Variants in TCFL5 observed in about 807,000 individuals in gnomAD.
TCFL5 encodes transcription factor like 5, also known as transcription factor-like 5 protein.
A neutral mutation model predicts 44.3 loss-of-function variants in TCFL5; 9 were observed. The ratio of observed to expected loss-of-function variants is 0.20; its 90% CI spans 0.12 to 0.35. The LOEUF (loss-of-function observed/expected upper bound fraction) is 0.35. Ranked by LOEUF, TCFL5 falls within the 10% of genes least tolerant of loss-of-function variation. The pLI is 1.00. For missense variants in TCFL5, 603 were observed against 613.4 expected (o/e 0.98, Z 0.18); for synonymous variants, 319 against 271.6 (o/e 1.17, Z -1.72).
chr20:62,842,937 G>A lies in TCFL5; in HGVS notation c.1381-840C>T, dbSNP rs1040995002. ...GTCCTTGGGGAGACCCTGCCAGCAG[G>A]GTGGGGGTGGGCTGAGCTTGCTCCT... On this transcript the variant is annotated intron_variant, in intron 5 of 5. Coordinates refer to ENST00000335351, the MANE Select transcript of TCFL5 (RefSeq NM_006602.4). This position sits in a 1 kb window ranked among gnomAD's most constrained non-coding sequence, Gnocchi z 4.3. 1.3e-5 allele frequency among the ~76,000 whole-genome samples: 2 copies of A among 152,112 alleles called. No homozygotes were observed. Among genetic ancestry groups the A allele is most frequent in the Non-Finnish European group, 2.9e-5 (2 of 68,032 alleles).
In TCFL5 at chr20:62,859,611, C is replaced by T. The variant is rs1263307161; in HGVS notation, c.832-85G>A. 9 of 1,262,632 alleles carry T rather than the reference C, an allele frequency of 7.1e-6. No individual in the cohort carries two copies. The East Asian group carries it at 1.3e-4, about 18-fold the overall frequency. 78.2% of individuals were successfully genotyped at this position (1,262,632 alleles called of 1,614,324 possible). On this transcript the variant is annotated intron_variant, in intron 2 of 5. Transcript: ENST00000335351. ...GCACAAATGAAATGCACTTAACAAA[C>T]ATCAAAACTACTAACACGTAATTTG...
chr20:62,845,891 C>T (rs1000535541), intron 5 of TCFL5: 1 of 1,549,382 alleles, frequency 6.5e-7, no homozygotes, highest in African/African-American at 1.4e-5. Context: ...CTTCAGTCAA[C>T]AAAGAATGAG....
chr20:62,856,925 T>C (rs1174949278), intron 4 of TCFL5, among the ~76,000 whole-genome samples: 1 of 152,152 alleles, frequency 6.6e-6, no homozygotes, highest in Non-Finnish European at 1.5e-5. Flanking sequence ...CTGCTTTCCT[T>C]CTGGGAGACT....
intron 3 of TCFL5, 74 bp downstream of exon 3, chr20:62,859,290 C>A: frequency 6.6e-7 from 1 of 1,516,724 alleles, no homozygotes; most frequent in Non-Finnish European, 8.9e-7. Flanking sequence ...CCCCTGCCCC[C>A]CAAGGCCAAA....
intron 5 of TCFL5, among the ~76,000 whole-genome samples, chr20:62,850,932 G>A (rs1342653115): frequency 1.3e-5 from 2 of 152,026 alleles, no homozygotes; most frequent in Admixed American, 6.6e-5. Context: ...CCACCCGCAA[G>A]GCCCTGCTCC....
rs1368870727 is a variant in TCFL5 at position 62,841,115 on chromosome 20, T to C, written c.*860A>G. ...TTCAGATTAATGACTGGCTACAGAG[T>C]AACAAAAAATAAAGAATTTAATGTA... On this transcript the variant is annotated 3_prime_UTR_variant, in exon 6 of 6. Coordinates refer to ENST00000335351, the MANE Select transcript of TCFL5 (RefSeq NM_006602.4). The C allele has an allele frequency of 4.5e-6, 1 of 223,384 alleles. No individual in the cohort carries two copies. The highest frequency in any genetic ancestry group is 9.1e-6 in the Non-Finnish European group (1 of 110,380). 13.8% of individuals were successfully genotyped at this position (223,384 alleles called of 1,614,324 possible).
Position 62,861,052 on chromosome 20 carries a change from G to A in TCFL5, c.619C>T (p.Pro207Ser), listed in dbSNP as rs1446529966. The A allele has an allele frequency of 6.0e-6, 6 of 995,188 alleles. No individual in the cohort carries two copies. The highest frequency in any genetic ancestry group is 5.0e-4 in the Middle Eastern group (1 of 1,984). 61.6% of individuals were successfully genotyped at this position (995,188 alleles called of 1,614,324 possible). Residue 207 changes from proline (P) to serine (S), a missense_variant, in exon 1 of 6, where the codon CCC (proline) becomes TCC (serine). Around this residue, in one of 4 missense-constraint regions of TCFL5, gnomAD observed 540 missense variants for 478.7 expected, o/e 1.13. Transcript: ENST00000335351. The surrounding 1 kb of genome is among the most constrained non-coding windows in gnomAD (Gnocchi z 4.0). ...TTGAGCGCCCCGCCCGGCTCGGGGGGCTCGGGGCCGCGCGGCGCGGGCGGC... is the reference window on the plus strand; with the variant it reads ...TTGAGCGCCCCGCCCGGCTCGGGGGACTCGGGGCCGCGCGGCGCGGGCGGC... ...EPPPAPRGPE[P>S]PEPGGALNNL...
intron 5 of TCFL5, among the ~76,000 whole-genome samples, chr20:62,844,559 C>G (rs921756158): frequency 1.5e-5 from 2 of 131,984 alleles, no homozygotes; most frequent in Admixed American, 7.4e-5. Context: ...CATTTTTTTT[C>G]TGTTTTTTTT....
chr20:62,846,225 GC>G (rs1395546327), intron 5 of TCFL5: 2 of 677,714 alleles, frequency 3.0e-6, no homozygotes, highest in Admixed American at 3.2e-5. Context: ...CTAGGCGCTC[GC>G]AAGATCTTCT....
intron 5 of TCFL5, among the ~76,000 whole-genome samples, chr20:62,844,396 G>A (rs71325413): frequency 2.4e-3 from 365 of 152,176 alleles, no homozygotes; most frequent in Non-Finnish European, 4.2e-3. Flanking sequence ...GTCTATTCAA[G>A]TTCTTTGCCC....
At chr20:62,857,729 T>C (rs1296931513) in intron 3 of TCFL5, 91 bp from the exon 4 acceptor site, 1 of 1,451,394 alleles carries the variant, frequency 6.9e-7, no homozygotes, top group East Asian at 2.3e-5. Flanking sequence ...ATCCAAGATA[T>C]AAACATTATT....
intron 5 of TCFL5, among the ~76,000 whole-genome samples, chr20:62,847,631 C>A (rs906727521): frequency 6.6e-6 from 1 of 152,224 alleles, no homozygotes; most frequent in African/African-American, 2.4e-5. Flanking sequence ...ACACAGCGTT[C>A]GGCTCATTCT....
At chr20:62,856,705 C>CA (rs11470406) in intron 4 of TCFL5, among the ~76,000 whole-genome samples, 50,748 of 100,088 alleles carry the variant, frequency 0.51, 13,474 homozygotes, top group South Asian at 0.7. Context: ...GACTCCGTCT[C>CA]AAAAAAAAAA....
chr20:62,859,258 CAT>C, intron 3 of TCFL5, 104 bp downstream of exon 3: 2 of 1,119,286 alleles, frequency 1.8e-6, no homozygotes, highest in Admixed American at 4.6e-5. Flanking sequence ...GACTGTTTCA[CAT>C]GTGTACAAAC....
chr20:62,847,119 G>A (rs941004867), intron 5 of TCFL5, among the ~76,000 whole-genome samples: 10 of 151,268 alleles, frequency 6.6e-5, no homozygotes, highest in African/African-American at 2.4e-4. Flanking sequence ...GGAGGCAGAC[G>A]CTGTAGTGAG....
intron 5 of TCFL5, among the ~76,000 whole-genome samples, chr20:62,847,406 A>G (rs140089379): frequency 1.3e-4 from 20 of 152,320 alleles, no homozygotes; most frequent in African/African-American, 4.8e-4. Flanking sequence ...TAAAGATAAG[A>G]GCAAATTATG....
intron 5 of TCFL5, chr20:62,852,789 C>T (rs567775980): frequency 5.4e-5 from 69 of 1,289,226 alleles, no homozygotes; most frequent in Non-Finnish European, 6.5e-5. Context: ...GAAGCACGGT[C>T]ACCCGGTCCG....
intron 5 of TCFL5, among the ~76,000 whole-genome samples, chr20:62,844,390 A>G (rs940655966): frequency 2.6e-5 from 4 of 152,112 alleles, no homozygotes; most frequent in East Asian, 1.9e-4. Flanking sequence ...AGAAATGTCT[A>G]TTCAAGTTCT....
chr20:62,847,974 A>G, intron 5 of TCFL5, among the ~76,000 whole-genome samples: 1 of 137,772 alleles, frequency 7.3e-6, no homozygotes, highest in Non-Finnish European at 1.6e-5. Flanking sequence ...AGCGCCGGGC[A>G]GCCGGGCAGC....
Sources: gnomAD v4.1 joint callset for allele counts (sites outside exome capture counted in the v4.1 genomes callset) on GRCh38, gnomAD v4.1.1 for gene constraint, gnomAD v4.1.1 regional missense constraint, Gnocchi (gnomAD v3.1) non-coding constraint, MANE v1.5 for transcripts, NCBI Gene and HGNC (gene_info 2026-07-23, HGNC 2026-07-21) for gene names.